Variants in FOXP2 observed in about 807,000 individuals in gnomAD.
FOXP2 encodes forkhead box protein P2.
Under a neutral mutation model 115.8 loss-of-function variants are expected in FOXP2, and 12 were observed. The ratio of observed to expected loss-of-function variants is 0.10; its 90% confidence interval spans 0.07 to 0.17. The LOEUF is 0.17. FOXP2 is among the 10% of genes least tolerant of loss of function. FOXP2 has a pLI of 1.00. For missense variants in FOXP2, 629 were observed against 843.5 expected (o/e 0.75, Z 3.15); for synonymous variants, 328 against 297.7 (o/e 1.10, Z -1.05).
At chr7:114,482,590 T>C (rs184319648) in intron 2 of FOXP2, among the ~76,000 whole-genome samples, 30 of 151,738 alleles carry the variant, frequency 2.0e-4, no homozygotes, top group African/African-American at 7.2e-4. Context: ...TTCATTTCCA[T>C]CTTTTGGAAA....
intron 1 of FOXP2, among the ~76,000 whole-genome samples, chr7:114,164,725 C>T (rs564932031): frequency 1.3e-5 from 2 of 152,250 alleles, no homozygotes; most frequent in African/African-American, 4.8e-5. Context: ...TAACGTGAAA[C>T]AGCTTTTCTT....
intron 1 of FOXP2, among the ~76,000 whole-genome samples, chr7:114,200,112 A>G (rs995132268): frequency 2.0e-5 from 3 of 152,170 alleles, no homozygotes; most frequent in Non-Finnish European, 4.4e-5. Context: ...ATCAGCCCTC[A>G]ATTAATTCTA....
At chr7:114,439,428 C>G (rs1302911335) in intron 2 of FOXP2, among the ~76,000 whole-genome samples, 1 of 152,016 alleles carries the variant, frequency 6.6e-6, no homozygotes, top group African/African-American at 2.4e-5. Flanking sequence ...TCAGACATCT[C>G]TAGTTGATTA....
chr7:114,386,581 T>C (rs1792460030), intron 2 of FOXP2, among the ~76,000 whole-genome samples: 1 of 152,232 alleles, frequency 6.6e-6, no homozygotes, highest in African/African-American at 2.4e-5. Context: ...TATTCATCCT[T>C]CTTGTCTTTC....
At chr7:114,657,713 CTGT>C (rs1041112593) in intron 10 of FOXP2, among the ~76,000 whole-genome samples, 2 of 152,240 alleles carry the variant, frequency 1.3e-5, no homozygotes, top group African/African-American at 2.4e-5. Flanking sequence ...TTCATTATTG[CTGT>C]TGTTGTTGCT....
At position 114,693,561 on chromosome 7, in the gene FOXP2, G is replaced by GT. The variant is rs1201357814; in HGVS notation, c.*3637dup. The GT allele has an allele frequency of 4.4e-6, 2 of 453,126 alleles. No individual in the cohort carries two copies. The highest frequency in any genetic ancestry group is 4.0e-5 in the African/African-American group (2 of 49,928). The allele number at this position is 453,126 out of a possible 1,614,324, so 28.1% of individuals were successfully genotyped here. Reference sequence around the variant, plus strand: ...ATGGCTTACCCTTGTTATTTCACTAGTTCAGGTTGCAACGAAAGGTTTTTT... The same window carrying GT: ...ATGGCTTACCCTTGTTATTTCACTAGTTTCAGGTTGCAACGAAAGGTTTTTT... On this transcript the variant is annotated 3_prime_UTR_variant, in exon 17 of 17. Transcript: ENST00000350908.
At chr7:114,603,326 C>T (rs935012829) in intron 3 of FOXP2, among the ~76,000 whole-genome samples, 4 of 152,186 alleles carry the variant, frequency 2.6e-5, no homozygotes, top group African/African-American at 9.6e-5. Context: ...TAAAATCTTA[C>T]AGCCATGCTT....
At chr7:114,425,549 T>G (rs916152936) in intron 1 of FOXP2, among the ~76,000 whole-genome samples, 1 of 151,672 alleles carries the variant, frequency 6.6e-6, no homozygotes, top group Non-Finnish European at 1.5e-5. Context: ...ATCCTGAAAG[T>G]ACAGTATATT....
chr7:114,138,553 G>T (rs553557585), intron 1 of FOXP2, among the ~76,000 whole-genome samples: 1 of 151,780 alleles, frequency 6.6e-6, no homozygotes, highest in Non-Finnish European at 1.5e-5. Flanking sequence ...GACCACACCC[G>T]GCTAATTTTT....
chr7:114,498,298 GACTT>G (rs1312345291), intron 2 of FOXP2, among the ~76,000 whole-genome samples: 1 of 152,074 alleles, frequency 6.6e-6, no homozygotes, highest in South Asian at 2.1e-4. Flanking sequence ...CAATGGTTTG[GACTT>G]ACTTAATATA....
chr7:114,576,414 A>C (rs1337424185), intron 3 of FOXP2, among the ~76,000 whole-genome samples: 2 of 151,852 alleles, frequency 1.3e-5, no homozygotes, highest in African/African-American at 4.8e-5. Flanking sequence ...GATTCCCAAG[A>C]ATATTCTTGA....
chr7:114,215,213 T>G (rs1418270113), intron 1 of FOXP2, among the ~76,000 whole-genome samples: 2 of 152,164 alleles, frequency 1.3e-5, no homozygotes, highest in Non-Finnish European at 2.9e-5. Context: ...ACACAAATAC[T>G]TCTTTTGTTG....
At chr7:114,394,153 T>A (rs1323601470) in intron 2 of FOXP2, among the ~76,000 whole-genome samples, 1 of 152,042 alleles carries the variant, frequency 6.6e-6, no homozygotes, top group East Asian at 1.9e-4. Context: ...TGGGCTTGAT[T>A]GCATAACTGG....
chr7:114,434,672 C>T (rs887108923), intron 2 of FOXP2, among the ~76,000 whole-genome samples: 8 of 151,538 alleles, frequency 5.3e-5, no homozygotes, highest in South Asian at 2.1e-4. Flanking sequence ...CAGCCTGTTT[C>T]GTTAAGAAAA....
intron 3 of FOXP2, among the ~76,000 whole-genome samples, chr7:114,573,436 CG>C (rs1415172960): frequency 6.6e-6 from 1 of 151,488 alleles, no homozygotes; most frequent in Non-Finnish European, 1.5e-5. Context: ...TCTGGAACAC[CG>C]TAAGAGTACT....
chr7:114,373,300 G>A (rs1389251050), intron 2 of FOXP2, among the ~76,000 whole-genome samples: 2 of 152,250 alleles, frequency 1.3e-5, no homozygotes, highest in South Asian at 2.1e-4. Context: ...GATTACAGGC[G>A]TGAGCAGTCG....
intron 2 of FOXP2, among the ~76,000 whole-genome samples, chr7:114,453,675 G>A (rs1457964036): frequency 6.6e-6 from 1 of 151,864 alleles, no homozygotes; most frequent in Non-Finnish European, 1.5e-5. Flanking sequence ...ATTTGTCCCC[G>A]ATTCTCATTC....
intron 1 of FOXP2, among the ~76,000 whole-genome samples, chr7:114,211,680 G>A (rs1794354149): frequency 6.6e-6 from 1 of 152,120 alleles, no homozygotes; most frequent in South Asian, 2.1e-4. Flanking sequence ...ATCAAAAGTG[G>A]CTTTAGGGAA....
intron 3 of FOXP2, among the ~76,000 whole-genome samples, chr7:114,550,730 T>C (rs578254907): frequency 4.6e-5 from 7 of 152,298 alleles, no homozygotes; most frequent in Non-Finnish European, 1.0e-4. Flanking sequence ...GGAGCACTGA[T>C]AAATGGGTTA....
Sources: gnomAD v4.1 joint callset for allele counts (sites outside exome capture counted in the v4.1 genomes callset) on GRCh38, gnomAD v4.1.1 for gene constraint, MANE v1.5 for transcripts, NCBI Gene and HGNC (gene_info 2026-07-23, HGNC 2026-07-21) for gene names.